The following AGBL1 variants were observed in gnomAD, a reference collection of about 807,000 sequenced individuals.
AGBL1 encodes the protein cytosolic carboxypeptidase 4.
AGBL1 carries 130 observed loss-of-function variants against 118.9 expected under a neutral mutation model. That is an observed-to-expected ratio of 1.09 (90% CI 0.95 to 1.26). AGBL1 has a LOEUF of 1.26. Among genes scored for constraint, AGBL1 ranks in the 50% most tolerant of loss-of-function variants. The pLI is 0.00. For synonymous variants in AGBL1, 555 were observed against 478.9 expected, an observed-to-expected ratio of 1.16 and a Z score of -2.08; for missense variants, 1,584 against 1,298.1, an observed-to-expected ratio of 1.22 and a Z score of -3.38.
At chr15:86,413,948 T>C (rs1262261031) in intron 18 of AGBL1, among the ~76,000 whole-genome samples, 3 of 152,082 alleles carry the variant, frequency 2.0e-5, no homozygotes, top group Non-Finnish European at 4.4e-5. Flanking sequence ...GATGATTGAA[T>C]AAATAAAATG....
chr15:86,884,043 C>T (rs1337104811), intron 22 of AGBL1, among the ~76,000 whole-genome samples: 6 of 152,128 alleles, frequency 3.9e-5, no homozygotes, highest in Non-Finnish European at 7.4e-5. Context: ...TCATCCTTAC[C>T]ATAGATCTTA....
At chr15:86,436,713 T>C (rs1472075413) in intron 18 of AGBL1, among the ~76,000 whole-genome samples, 1 of 152,246 alleles carries the variant, frequency 6.6e-6, no homozygotes, top group Non-Finnish European at 1.5e-5. Context: ...TTTATTATTT[T>C]GCAAATAGGC....
chr15:86,360,759 A>T (rs2080793724), intron 17 of AGBL1, among the ~76,000 whole-genome samples: 1 of 151,720 alleles, frequency 6.6e-6, no homozygotes, highest in African/African-American at 2.4e-5. Context: ...TTATTAATTT[A>T]GTTTTGGTAG....
At chr15:86,176,632 T>C (rs1329135519) in intron 5 of AGBL1, among the ~76,000 whole-genome samples, 3 of 152,128 alleles carry the variant, frequency 2.0e-5, no homozygotes, top group Non-Finnish European at 4.4e-5. Context: ...TGGGGCTCCA[T>C]GGATGTGGAA....
chr15:86,998,552 G>A (rs2081401203), intron 24 of AGBL1, among the ~76,000 whole-genome samples: 1 of 152,164 alleles, frequency 6.6e-6, no homozygotes, highest in Non-Finnish European at 1.5e-5. Flanking sequence ...GATAAGTCAT[G>A]CCTAGACTTA....
At chr15:86,256,756 T>A in intron 7 of AGBL1, 97 bp from the exon 8 acceptor site, 1 of 1,213,336 alleles carries the variant, frequency 8.2e-7, no homozygotes, top group African/African-American at 1.5e-5. Context: ...GCTAGGAGAC[T>A]GTGCTGTGTT....
intron 23 of AGBL1, among the ~76,000 whole-genome samples, chr15:86,957,187 T>C (rs1278670628): frequency 6.6e-6 from 1 of 152,136 alleles, no homozygotes; most frequent in African/African-American, 2.4e-5. Flanking sequence ...AATCTATTTT[T>C]ATATATTTTA....
At chr15:86,632,153 A>C (rs947086567) in intron 21 of AGBL1, among the ~76,000 whole-genome samples, 11 of 151,456 alleles carry the variant, frequency 7.3e-5, no homozygotes, top group African/African-American at 2.7e-4. Flanking sequence ...TTGTAGTCCC[A>C]GCTACTTGGA....
At chr15:86,792,215 T>C (rs1189562920) in intron 22 of AGBL1, among the ~76,000 whole-genome samples, 1 of 152,250 alleles carries the variant, frequency 6.6e-6, no homozygotes, top group Non-Finnish European at 1.5e-5. Flanking sequence ...CAGAGTACTT[T>C]ACTTTTGCTC....
chr15:86,873,589 G>A (rs1028095363), intron 22 of AGBL1, among the ~76,000 whole-genome samples: 27 of 152,054 alleles, frequency 1.8e-4, no homozygotes, highest in African/African-American at 5.1e-4. Flanking sequence ...ATTAGTGCCC[G>A]TATAACAGAG....
At chr15:86,676,502 C>T (rs2085849882) in intron 22 of AGBL1, among the ~76,000 whole-genome samples, 1 of 151,930 alleles carries the variant, frequency 6.6e-6, no homozygotes, top group South Asian at 2.1e-4. Flanking sequence ...TTTTTGAGAA[C>T]CATTTGATTA....
chr15:86,741,248 G>T (rs1441186781), intron 22 of AGBL1, among the ~76,000 whole-genome samples: 6 of 151,402 alleles, frequency 4.0e-5, no homozygotes, highest in Non-Finnish European at 7.4e-5. Flanking sequence ...AGCAGGAAAA[G>T]GTTCCTCAAC....
At chr15:86,456,433 G>C (rs767078737) in intron 18 of AGBL1, among the ~76,000 whole-genome samples, 10 of 152,186 alleles carry the variant, frequency 6.6e-5, no homozygotes, top group Non-Finnish European at 1.3e-4. Context: ...TGGCCAGAAA[G>C]TCATTAGCAT....
At chr15:86,529,898 A>C (rs1341312794) in intron 19 of AGBL1, among the ~76,000 whole-genome samples, 1 of 141,460 alleles carries the variant, frequency 7.1e-6, no homozygotes, top group African/African-American at 2.9e-5. Flanking sequence ...CTTTACAGAC[A>C]AGCAAATGCT....
chr15:86,148,487 C>G (rs1462427746), intron 3 of AGBL1, among the ~76,000 whole-genome samples: 2 of 152,140 alleles, frequency 1.3e-5, no homozygotes, highest in Non-Finnish European at 2.9e-5. Flanking sequence ...CATGCACAAG[C>G]TTCAGTAGCC....
At chr15:86,839,788 G>A (rs912293000) in intron 22 of AGBL1, among the ~76,000 whole-genome samples, 14 of 152,222 alleles carry the variant, frequency 9.2e-5, no homozygotes, top group African/African-American at 3.4e-4. Context: ...TTCCTTTCAG[G>A]GATCTAGGGC....
intron 5 of AGBL1, among the ~76,000 whole-genome samples, chr15:86,188,406 T>C (rs763336738): frequency 9.9e-5 from 15 of 151,192 alleles, no homozygotes; most frequent in South Asian, 2.1e-4. Context: ...ATAGAAAACA[T>C]AAAAAAAAAG....
chr15:86,536,589 A>T (rs1045205880), intron 19 of AGBL1, among the ~76,000 whole-genome samples: 3 of 152,202 alleles, frequency 2.0e-5, no homozygotes, highest in Admixed American at 2.0e-4. Flanking sequence ...GATTACAGGC[A>T]TGAGCCACTG....
At chr15:86,686,116 C>G (rs1416915088) in intron 22 of AGBL1, among the ~76,000 whole-genome samples, 1 of 152,138 alleles carries the variant, frequency 6.6e-6, no homozygotes, top group Admixed American at 6.5e-5. Context: ...GTGAAAGAAA[C>G]TTCTCCTCCC....
Sources: allele counts gnomAD v4.1 joint callset (sites outside exome capture counted in the v4.1 genomes callset), GRCh38; gene constraint gnomAD v4.1.1; transcripts MANE v1.5; gene names NCBI Gene and HGNC (gene_info 2026-07-23, HGNC 2026-07-21).